Variants in SMARCA4 observed in about 807,000 individuals in gnomAD.
The protein encoded by SMARCA4 is SWI/SNF-related matrix-associated actin-dependent regulator of chromatin subfamily A member 4.
A neutral mutation model predicts 193.9 loss-of-function variants in SMARCA4; 31 were observed. The ratio of observed to expected loss-of-function variants is 0.16; its 90% confidence interval spans 0.12 to 0.22. The LOEUF (loss-of-function observed/expected upper bound fraction) is 0.22, where lower values mean the gene tolerates loss of function less well. Among genes scored for constraint, SMARCA4 ranks in the 10% least tolerant of loss-of-function variants. The pLI is 1.00. For missense variants in SMARCA4, 1,148 were observed against 2,296.0 expected (o/e 0.50, Z 10.22); for synonymous variants, 942 against 933.1 (o/e 1.01, Z -0.17).
At chr19:11,006,374 GT>G (rs538149078) in intron 13 of SMARCA4, among the ~76,000 whole-genome samples, 7 of 152,246 alleles carry the variant, frequency 4.6e-5, no homozygotes, top group Non-Finnish European at 1.0e-4. Context: ...TGTCGCCAGT[GT>G]TATCAGACAT....
intron 11 of SMARCA4, among the ~76,000 whole-genome samples, chr19:10,999,413 T>C (rs749998928): frequency 5.5e-4 from 83 of 152,222 alleles, no homozygotes; most frequent in Non-Finnish European, 7.6e-4. Flanking sequence ...TCCCAGTACT[T>C]TGGGAGGCCA....
intron 1 of SMARCA4, among the ~76,000 whole-genome samples, chr19:10,969,233 C>T (rs1487388368): frequency 2.6e-5 from 4 of 152,086 alleles, no homozygotes; most frequent in South Asian, 2.1e-4. Flanking sequence ...TGGTCAGCCT[C>T]GAGGAAGGGG....
chr19:11,045,935 A>G lies in SMARCA4; in HGVS notation c.4424+4375A>G, dbSNP rs2075880038. On this transcript the variant is annotated intron_variant, in intron 30 of 34. Transcript: ENST00000344626. Reference sequence around the variant, plus strand: ...TGTCTCTATTTAAAAAAAAGAAGAAAAAAAAAGTCTGGGTGTGGTGGCTCA... The same window carrying G: ...TGTCTCTATTTAAAAAAAAGAAGAAGAAAAAAGTCTGGGTGTGGTGGCTCA... 3.3e-5 allele frequency among the ~76,000 whole-genome samples: 5 copies of G among 152,084 alleles called. No homozygotes were observed. In the South Asian group the frequency reaches 8.3e-4, roughly 25 times the overall value.
At chr19:11,003,203 C>T (rs2146101735) in intron 12 of SMARCA4, 44 bp downstream of exon 12, 1 of 1,613,252 alleles carries the variant, frequency 6.2e-7, no homozygotes, top group Non-Finnish European at 8.5e-7. Flanking sequence ...GATCCAAGTC[C>T]TCGGTGGGCC....
At chr19:10,981,597 C>T (rs1290067582) in intron 1 of SMARCA4, among the ~76,000 whole-genome samples, 2 of 152,328 alleles carry the variant, frequency 1.3e-5, no homozygotes, top group African/African-American at 4.8e-5. Flanking sequence ...GGTTCCTCCC[C>T]TGCTGAGTTT....
intron 19 of SMARCA4, 32 bp downstream of exon 19, chr19:11,021,999 G>A (rs753941256): frequency 1.2e-6 from 2 of 1,611,274 alleles, no homozygotes; most frequent in East Asian, 2.2e-5. Context: ...CATGCTGACG[G>A]TTCCAGGTGC....
Position 10,984,226 on chromosome 19 carries a change from A to G in SMARCA4, c.75A>G (p.Gly25=), listed in dbSNP as rs2145722351. 6.2e-7 allele frequency: 1 copy of G among 1,612,692 alleles called. No homozygotes were observed. The highest frequency in any genetic ancestry group is 8.5e-7 in the Non-Finnish European group (1 of 1,179,414). The stretch of plus-strand genomic sequence containing the variant: ...CCCCGGGCCCTGGCCCTTCCCCTGG[A>G]GCCATGCTGGGCCCTAGCCCGGGTC... ...GPSPGPGPSP[G]AMLGPSPGPS... The change falls in exon 2 of 35, where the codon GGA becomes GGG. Residue 25 remains glycine (G), a synonymous_variant. Coordinates refer to ENST00000344626, the MANE Select transcript of SMARCA4 (RefSeq NM_003072.5). This position sits in a 1 kb window ranked among gnomAD's most constrained non-coding sequence, Gnocchi z 4.3.
At chr19:11,046,703 C>T (rs1038120463) in intron 30 of SMARCA4, among the ~76,000 whole-genome samples, 28 of 152,246 alleles carry the variant, frequency 1.8e-4, no homozygotes, top group African/African-American at 6.5e-4. Flanking sequence ...CCTGTAATCC[C>T]AGAACTTTGT....
In SMARCA4 at chr19:11,030,630, T is replaced by A; in HGVS notation, c.3383-100T>A. 1 of 1,088,336 alleles carries A rather than the reference T, an allele frequency of 9.2e-7. No individual in the cohort carries two copies. The highest frequency in any genetic ancestry group is 1.4e-6 in the Non-Finnish European group (1 of 736,628). 67.4% of individuals were successfully genotyped at this position (1,088,336 alleles called of 1,614,324 possible). A position where few individuals can be genotyped will look rare whatever the true frequency, so the allele number is the denominator to read the frequency against. On this transcript the variant is annotated intron_variant, in intron 24 of 34. Coordinates refer to ENST00000344626, the MANE Select transcript of SMARCA4 (RefSeq NM_003072.5). The surrounding 1 kb of genome is among the most constrained non-coding windows in gnomAD (Gnocchi z 5.5). ...CCAGGGATCTGGGGATGCTGGCAGGTGCTGATCCTGCTCCTGCTCTCAGAA... is the reference window on the plus strand; with the variant it reads ...CCAGGGATCTGGGGATGCTGGCAGGAGCTGATCCTGCTCCTGCTCTCAGAA...
chr19:11,027,044 G>T (rs1051369812), intron 23 of SMARCA4, among the ~76,000 whole-genome samples: 3 of 152,206 alleles, frequency 2.0e-5, no homozygotes, highest in Non-Finnish European at 2.9e-5. Flanking sequence ...AGCCCCTAAT[G>T]GATGTGGATG....
chr19:10,967,459 C>T (rs111786464), intron 1 of SMARCA4, among the ~76,000 whole-genome samples: 30,681 of 151,438 alleles, frequency 0.2, 3,285 homozygotes, highest in South Asian at 0.25. Flanking sequence ...TACAGGCGCC[C>T]GCCACCACGC....
intron 11 of SMARCA4, among the ~76,000 whole-genome samples, chr19:10,999,803 C>G (rs1900909678): frequency 6.6e-6 from 1 of 152,220 alleles, no homozygotes; most frequent in Non-Finnish European, 1.5e-5. Flanking sequence ...CTTACCTGCT[C>G]CATTTTAGAA....
At chr19:10,994,093 A>G (rs1248571018) in intron 8 of SMARCA4, among the ~76,000 whole-genome samples, 1 of 150,758 alleles carries the variant, frequency 6.6e-6, no homozygotes, top group African/African-American at 2.4e-5. Context: ...AGGCTGGAGT[A>G]CAGTGGTGCG....
At chr19:11,018,189 C>A in intron 16 of SMARCA4, 1 of 158,186 alleles carries the variant, frequency 6.3e-6, no homozygotes, top group South Asian at 1.8e-4. Context: ...CTTTACGGAC[C>A]ACCCCGTCTA....
chr19:10,991,041 C>T, intron 7 of SMARCA4, 109 bp from the exon 8 acceptor site: 1 of 1,549,868 alleles, frequency 6.5e-7, no homozygotes, highest in South Asian at 1.2e-5. Flanking sequence ...GTGTAAGGCA[C>T]TTACAATGCT....
chr19:11,040,320 G>A (rs977384870), intron 29 of SMARCA4: 2 of 152,020 alleles, frequency 1.3e-5, no homozygotes, highest in African/African-American at 4.8e-5. Flanking sequence ...AAGGCCGGGT[G>A]TGGTGGCTCA....
rs941439537 is a variant in SMARCA4 at position 11,055,001 on chromosome 19, C to G, written c.4425-3254C>G. Among the ~76,000 whole-genome samples the G allele has an allele frequency of 5.3e-5, 8 of 152,224 alleles. No individual in the cohort carries two copies. In the South Asian group the frequency reaches 1.2e-3, roughly 24 times the overall value. ...TGCGGGGAGGCTGCAGCATGTCCCT[C>G]TTTAATATAGAGGTGAGGGAGGCTC... On this transcript the variant is annotated intron_variant, in intron 30 of 34. Transcript: ENST00000344626.
rs142769639 is a variant in SMARCA4, at chr19:11,058,028, C to G, written c.4425-227C>G. ...GGCTGAGGCAGGAGAATCTCCTGAA[C>G]CTGGGAGGTGGAGGTTGCAGTGAGC... is the stretch of plus-strand genomic sequence containing the variant. On this transcript the variant is annotated intron_variant, in intron 30 of 34. Coordinates refer to ENST00000344626, the MANE Select transcript of SMARCA4 (RefSeq NM_003072.5). This position sits in a 1 kb window ranked among gnomAD's most constrained non-coding sequence, Gnocchi z 5.8. Among the ~76,000 whole-genome samples, 834 of 151,982 alleles carry G rather than the reference C, an allele frequency of 5.5e-3. 10 individuals are homozygous for G. The highest frequency in any genetic ancestry group is 0.019 in the African/African-American group (793 of 41,448).
At chr19:11,003,207 G>T in intron 12 of SMARCA4, 48 bp downstream of exon 12, 1 of 1,613,172 alleles carries the variant, frequency 6.2e-7, no homozygotes, top group Non-Finnish European at 8.5e-7. Flanking sequence ...CAAGTCCTCG[G>T]TGGGCCTTGT....
Sources: gnomAD v4.1 joint callset for allele counts (sites outside exome capture counted in the v4.1 genomes callset) on GRCh38, gnomAD v4.1.1 for gene constraint, Gnocchi (gnomAD v3.1) non-coding constraint, MANE v1.5 for transcripts, NCBI Gene and HGNC (gene_info 2026-07-23, HGNC 2026-07-21) for gene names.